Variants in DACH2 observed in about 807,000 individuals in gnomAD.
DACH2 encodes dachshund family transcription factor 2.
Under a neutral mutation model 35.8 loss-of-function variants are expected in DACH2, and 17 were observed. The ratio of observed to expected loss-of-function variants is 0.48; its 90% CI spans 0.33 to 0.71. The LOEUF (loss-of-function observed/expected upper bound fraction) is 0.71, where lower values mean the gene tolerates loss of function less well. Among genes scored for constraint, DACH2 ranks in the 30% least tolerant of loss-of-function variants. The pLI is 0.02. For synonymous variants in DACH2, 195 were observed against 177.3 expected (o/e 1.10, Z -0.79); for missense variants, 469 against 472.7 (o/e 0.99, Z 0.07).
intron 1 of DACH2, among the ~76,000 whole-genome samples, chrX:86,156,290 A>T (rs1430580234): frequency 9.0e-6 from 1 of 111,615 alleles, no homozygotes; most frequent in Non-Finnish European, 1.9e-5. Context: ...AAGGTTCATT[A>T]AGCCTAATGT....
At chrX:86,644,132 A>G (rs1371183402) in intron 3 of DACH2, among the ~76,000 whole-genome samples, 1 of 111,375 alleles carries the variant, frequency 9.0e-6, no homozygotes. Context: ...AGGCAAAGGA[A>G]AGAAAAAAGG....
At chrX:86,540,281 C>T (rs1407790335) in intron 3 of DACH2, among the ~76,000 whole-genome samples, 1 of 111,492 alleles carries the variant, frequency 9.0e-6, no homozygotes, top group Non-Finnish European at 1.9e-5. Context: ...AGCAGGCAGC[C>T]ATGTGGATAT....
At chrX:86,392,539 A>C (rs1335313795) in intron 2 of DACH2, among the ~76,000 whole-genome samples, 1 of 111,780 alleles carries the variant, frequency 8.9e-6, no homozygotes, top group Non-Finnish European at 1.9e-5. Flanking sequence ...CCAAATTTAG[A>C]ACTTAAGTCA....
chrX:86,343,739 A>G (rs965613315), intron 1 of DACH2, among the ~76,000 whole-genome samples: 1 of 111,905 alleles, frequency 8.9e-6, no homozygotes, highest in Non-Finnish European at 1.9e-5. Flanking sequence ...GCAATTAAAA[A>G]TGTATATAAA....
Position 86,509,127 on chromosome X carries a change from C to A in DACH2, c.528-5152C>A, listed in dbSNP as rs765091445. ...ATTTCCTTAACTTGCCTGATACTAA[C>A]GAAATGCTGGTGTTGATGCTCTTAG... On this transcript the variant is annotated intron_variant, in intron 2 of 11. Coordinates refer to ENST00000373125, the MANE Select transcript of DACH2 (RefSeq NM_053281.3). 1.3e-4 allele frequency among the ~76,000 whole-genome samples: 15 copies of A among 111,671 alleles called. No individual in the cohort carries two copies. The Admixed American group carries it at 1.4e-3, about 11-fold the overall frequency.
At chrX:86,802,975 T>C (rs1234527510) in intron 7 of DACH2, among the ~76,000 whole-genome samples, 1 of 112,358 alleles carries the variant, frequency 8.9e-6, no homozygotes, top group Non-Finnish European at 1.9e-5. Flanking sequence ...TTGGCACTCA[T>C]AAAATGTTAT....
intron 7 of DACH2, among the ~76,000 whole-genome samples, chrX:86,806,314 G>A (rs980231271): frequency 2.7e-5 from 3 of 109,715 alleles, no homozygotes; most frequent in African/African-American, 1.0e-4. Flanking sequence ...AGATAGATGG[G>A]GAGGTGTCAT....
At chrX:86,669,993 T>C (rs2040746211) in intron 4 of DACH2, among the ~76,000 whole-genome samples, 1 of 111,391 alleles carries the variant, frequency 9.0e-6, no homozygotes, top group East Asian at 2.8e-4. Context: ...AATCAATTTA[T>C]TTGTTCTTTG....
intron 1 of DACH2, among the ~76,000 whole-genome samples, chrX:86,323,274 G>T (rs903934930): frequency 1.8e-5 from 2 of 112,315 alleles, no homozygotes; most frequent in African/African-American, 6.5e-5. Flanking sequence ...GGGCAGTGCT[G>T]TCTCCTTACA....
chrX:86,175,539 G>T (rs2031272588), intron 1 of DACH2, among the ~76,000 whole-genome samples: 1 of 111,525 alleles, frequency 9.0e-6, no homozygotes, highest in East Asian at 2.8e-4. Flanking sequence ...AGGGGGTCAT[G>T]AGGTTATTTT....
At chrX:86,233,779 C>T (rs112423007) in intron 1 of DACH2, among the ~76,000 whole-genome samples, 5,651 of 111,094 alleles carry the variant, frequency 0.051, 170 homozygotes, top group Middle Eastern at 0.084. Flanking sequence ...GCACTTCTTA[C>T]ATGGTGGCAA....
At chrX:86,790,932 A>G (rs761809644) in intron 7 of DACH2, among the ~76,000 whole-genome samples, 3 of 112,202 alleles carry the variant, frequency 2.7e-5, no homozygotes, top group Non-Finnish European at 3.8e-5. Context: ...ATTTTCAATT[A>G]ACATATATCG....
chrX:86,441,869 G>GTATATA (rs113721694), intron 2 of DACH2, among the ~76,000 whole-genome samples: 28 of 98,220 alleles, frequency 2.9e-4, no homozygotes, highest in Non-Finnish European at 3.2e-4. Flanking sequence ...GTGTGTGTGT[G>GTATATA]TATATATATA....
intron 3 of DACH2, among the ~76,000 whole-genome samples, chrX:86,570,136 G>T (rs376984341): frequency 2.7e-4 from 30 of 111,852 alleles, no homozygotes; most frequent in East Asian, 2.6e-3. Context: ...TACACTGTTG[G>T]TGGGAATATA....
At chrX:86,768,477 A>T (rs1199269995) in intron 7 of DACH2, among the ~76,000 whole-genome samples, 1 of 111,328 alleles carries the variant, frequency 9.0e-6, no homozygotes, top group Non-Finnish European at 1.9e-5. Flanking sequence ...TTCAAACCAA[A>T]GTTAACTATG....
chrX:86,521,325 C>T (rs778089704), intron 3 of DACH2, among the ~76,000 whole-genome samples: 63 of 111,391 alleles, frequency 5.7e-4, no homozygotes, highest in Admixed American at 1.7e-3. Context: ...TTCTAGCTGC[C>T]TTTACCATTC....
chrX:86,715,732 A>G (rs1397438414), intron 6 of DACH2, among the ~76,000 whole-genome samples: 2 of 111,891 alleles, frequency 1.8e-5, no homozygotes, highest in Admixed American at 1.9e-4. Context: ...ACAGACTATG[A>G]TGGATAACAT....
At chrX:86,305,133 C>T in intron 1 of DACH2, 3 of 137,286 alleles carry the variant, frequency 2.2e-5, no homozygotes. Flanking sequence ...CTGACAGAGT[C>T]ACCAGCCTCA....
intron 7 of DACH2, among the ~76,000 whole-genome samples, chrX:86,805,003 A>T (rs1434362067): frequency 1.8e-5 from 2 of 111,961 alleles, no homozygotes; most frequent in Admixed American, 9.4e-5. Context: ...GTTCTGGAGG[A>T]TGGTGGCCCC....
Sources: gnomAD v4.1 joint callset for allele counts (sites outside exome capture counted in the v4.1 genomes callset) on GRCh38, gnomAD v4.1.1 for gene constraint, MANE v1.5 for transcripts, NCBI Gene and HGNC (gene_info 2026-07-23, HGNC 2026-07-21) for gene names.